EDAR: variants seen among roughly 807,000 people sequenced by gnomAD.
EDAR encodes the protein tumor necrosis factor receptor superfamily member EDAR.
Under a neutral mutation model 51.3 loss-of-function variants are expected in EDAR, and 38 were observed. The observed-to-expected ratio is 0.74, with a 90% CI of 0.57 to 0.97. EDAR has a LOEUF of 0.97. Among genes scored for constraint, EDAR ranks in the 50% least tolerant of loss-of-function variants. The probability of loss-of-function intolerance (pLI) is 0.00; values close to 1 mark genes in which losing one functional copy is unlikely to be tolerated. For synonymous variants in EDAR, 227 were observed against 242.1 expected, an observed-to-expected ratio of 0.94 and a Z score of 0.58; for missense variants, 528 against 595.0, an observed-to-expected ratio of 0.89 and a Z score of 1.17.
At chr2:108,915,874 G>A (rs1348368210) in intron 5 of EDAR, among the ~76,000 whole-genome samples, 1 of 151,684 alleles carries the variant, frequency 6.6e-6, no homozygotes, top group East Asian at 1.9e-4. Context: ...TCCATGCTGG[G>A]CAACAAGAGC....
At chr2:108,918,156 C>T (rs1320675319) in intron 5 of EDAR, among the ~76,000 whole-genome samples, 1 of 152,218 alleles carries the variant, frequency 6.6e-6, no homozygotes, top group African/African-American at 2.4e-5. Context: ...TCCACTGTCA[C>T]CAGCTGGGGG....
intron 1 of EDAR, among the ~76,000 whole-genome samples, chr2:108,964,172 T>A (rs1280070189): frequency 1.3e-5 from 2 of 152,174 alleles, no homozygotes; most frequent in African/African-American, 4.8e-5. Flanking sequence ...CCCTCCCACC[T>A]CCTGAAATGC....
intron 6 of EDAR, among the ~76,000 whole-genome samples, chr2:108,912,114 C>T (rs570071957): frequency 3.4e-4 from 51 of 152,144 alleles, no homozygotes; most frequent in Admixed American, 1.1e-3. Flanking sequence ...GGGTACCTCA[C>T]GGCTCGCTGA....
At chr2:108,971,750 C>T (rs937362974) in intron 1 of EDAR, among the ~76,000 whole-genome samples, 2 of 152,218 alleles carry the variant, frequency 1.3e-5, no homozygotes, top group African/African-American at 4.8e-5. Flanking sequence ...GTTTATAACA[C>T]ATACACAAAC....
intron 1 of EDAR, among the ~76,000 whole-genome samples, chr2:108,972,446 A>C (rs1271110218): frequency 2.0e-5 from 3 of 152,230 alleles, no homozygotes; most frequent in African/African-American, 7.2e-5. Flanking sequence ...CTTTCATGCC[A>C]ACGTGCCAGA....
intron 1 of EDAR, among the ~76,000 whole-genome samples, chr2:108,986,752 T>C (rs1291793923): frequency 2.6e-5 from 4 of 152,204 alleles, no homozygotes; most frequent in African/African-American, 9.7e-5. Context: ...CCTTGCTTTA[T>C]TTTTTAGGAA....
chr2:108,923,372 C>T lies in EDAR; in HGVS notation c.438G>A (p.Lys146=). ...TGGAAGGACAAAGACACTCACATTC[C>T]TTGGTGTTGGGGGGTGCCAGGAGGC... ...YSCLLAPPNT[K]ECVGATSGAS... The change falls in exon 5 of 12, where the codon AAG becomes AAA. Residue 146 remains lysine, a synonymous_variant. Transcript: ENST00000258443. The T allele has an allele frequency of 6.2e-7, 1 of 1,614,132 alleles. No individual in the cohort carries two copies. Among genetic ancestry groups the T allele is most frequent in the East Asian group, 2.2e-5 (1 of 44,892 alleles).
At position 108,983,360 on chromosome 2, in the gene EDAR, A is replaced by G. The variant is rs77921137; in HGVS notation, c.-19+5600T>C. ...CATTTCCATATTTTTAAGGATTAGG[A>G]TTTTTTGGGGCCAGAGGTAATGTTT... On this transcript the variant is annotated intron_variant, in intron 1 of 11. Coordinates refer to ENST00000258443, the MANE Select transcript of EDAR (RefSeq NM_022336.4). Among the ~76,000 whole-genome samples the G allele has an allele frequency of 5.7e-3, 872 of 152,252 alleles. 8 individuals carry two copies. Among genetic ancestry groups the G allele is most frequent in the African/African-American group, 0.02 (833 of 41,554 alleles).
rs1698545395 is a variant in EDAR at position 108,988,993 on chromosome 2, C to G, written c.-52G>C. 6.6e-6 allele frequency: 1 copy of G among 152,262 alleles called. No homozygotes were observed. Among genetic ancestry groups the G allele is most frequent in the African/African-American group, 2.4e-5 (1 of 41,432 alleles). 9.4% of individuals were successfully genotyped at this position (152,262 alleles called of 1,614,324 possible). A position where few individuals can be genotyped will look rare whatever the true frequency, so the allele number is the denominator to read the frequency against. On this transcript the variant is annotated 5_prime_UTR_variant, in exon 1 of 12. Coordinates refer to ENST00000258443, the MANE Select transcript of EDAR (RefSeq NM_022336.4). ...TGTTGGAGGTCAGCTTCAGTCCCAG[C>G]AGAAGATGGGTCTATGAAGAAAGTC...
intron 4 of EDAR, among the ~76,000 whole-genome samples, chr2:108,926,981 C>T (rs966898224): frequency 1.3e-5 from 2 of 152,208 alleles, no homozygotes; most frequent in Non-Finnish European, 2.9e-5. Flanking sequence ...CCTGGGGAAG[C>T]CTTGTCTGCA....
chr2:108,936,971 C>T (rs1281830501), intron 1 of EDAR, among the ~76,000 whole-genome samples: 4 of 152,190 alleles, frequency 2.6e-5, no homozygotes, highest in South Asian at 2.1e-4. Flanking sequence ...ATTAAATAGC[C>T]GGTCCTGTTC....
chr2:108,942,813 T>G (rs1393272544), intron 1 of EDAR, among the ~76,000 whole-genome samples: 1 of 152,224 alleles, frequency 6.6e-6, no homozygotes, highest in Admixed American at 6.5e-5. Flanking sequence ...CTAAGAAAAC[T>G]CAACAGCAGC....
intron 11 of EDAR, among the ~76,000 whole-genome samples, chr2:108,904,343 C>T (rs1048275199): frequency 1.3e-5 from 2 of 152,116 alleles, no homozygotes; most frequent in African/African-American, 4.8e-5. Context: ...GAAACTAGAC[C>T]GTTCCCACAC....
chr2:108,936,055 CAG>C lies in EDAR; in HGVS notation c.-18-5025_-18-5024del, dbSNP rs577741228. Among the ~76,000 whole-genome samples, 11 of 152,368 alleles carry C rather than the reference CAG, an allele frequency of 7.2e-5. No homozygotes were observed. The East Asian group carries it at 1.7e-3, about 24-fold the overall frequency. On this transcript the variant is annotated intron_variant, in intron 1 of 11. Transcript: ENST00000258443. ...TACTGGTCACCACCTTTAGGAGAAG[CAG>C]AGTCACTGCCTCGGCTGGCAGATGG...
chr2:108,897,791 A>C (rs1195924198), intron 11 of EDAR, among the ~76,000 whole-genome samples: 1 of 152,228 alleles, frequency 6.6e-6, no homozygotes, highest in Non-Finnish European at 1.5e-5. Flanking sequence ...TGTTTCTGGA[A>C]GATAAGAGTA....
intron 1 of EDAR, among the ~76,000 whole-genome samples, chr2:108,976,835 T>C (rs7585138): frequency 0.45 from 67,960 of 151,936 alleles, 17,905 homozygotes; most frequent in South Asian, 0.69. Flanking sequence ...TAGGACCTCT[T>C]TACTTTCTGG....
At chr2:108,961,802 G>C (rs554553995) in intron 1 of EDAR, among the ~76,000 whole-genome samples, 20 of 152,236 alleles carry the variant, frequency 1.3e-4, no homozygotes, top group African/African-American at 4.6e-4. Context: ...CTGCTCTCTC[G>C]TGACCTGAGC....
intron 1 of EDAR, among the ~76,000 whole-genome samples, chr2:108,948,896 T>G (rs904902713): frequency 6.6e-6 from 1 of 152,098 alleles, no homozygotes; most frequent in Non-Finnish European, 1.5e-5. Flanking sequence ...GGCAGGATGA[T>G]CACTTGAGGC....
intron 1 of EDAR, among the ~76,000 whole-genome samples, chr2:108,937,717 A>G (rs1049291667): frequency 6.6e-5 from 10 of 151,248 alleles, no homozygotes; most frequent in South Asian, 2.1e-4. Flanking sequence ...ATGTGTGTGT[A>G]TGTGTGTGTG....
Sources: gnomAD v4.1 joint callset for allele counts (sites outside exome capture counted in the v4.1 genomes callset) on GRCh38, gnomAD v4.1.1 for gene constraint, MANE v1.5 for transcripts, NCBI Gene and HGNC (gene_info 2026-07-23, HGNC 2026-07-21) for gene names.